Variants in COX7A1 observed in about 807,000 individuals in gnomAD.
COX7A1 encodes the protein cytochrome c oxidase subunit 7A1, mitochondrial.
Under a neutral mutation model 13.2 loss-of-function variants are expected in COX7A1, and 21 were observed. That is an observed-to-expected ratio of 1.59 (90% CI 1.13 to 2.29). The LOEUF is 2.29. Ranked by LOEUF, COX7A1 falls within the 30% of genes most tolerant of loss-of-function variation. The pLI, the probability that COX7A1 is intolerant of heterozygous loss-of-function variation, is 0.00. For synonymous variants in COX7A1, 41 were observed against 41.9 expected, an observed-to-expected ratio of 0.98 and a Z score of 0.08; for missense variants, 107 against 100.0, an observed-to-expected ratio of 1.07 and a Z score of -0.30.
chr19:36,152,146 T>C, intron 1 of COX7A1: 1 of 575,876 alleles, frequency 1.7e-6, no homozygotes, highest in Non-Finnish European at 3.1e-6. Context: ...AAGGCCCGGG[T>C]GAGGCCAGTG....
In COX7A1 at chr19:36,151,180, A is replaced by G; in HGVS notation, c.188-146T>C. ...AGCTCCCTTCCCAGATTGGACTCCT[A>G]TTGTAAAGCCCCCTGGCTTTGATCT... is the stretch of plus-strand genomic sequence containing the variant. On this transcript the variant is annotated intron_variant, in intron 3 of 3. Coordinates refer to ENST00000292907, the MANE Select transcript of COX7A1 (RefSeq NM_001864.4). The G allele has an allele frequency of 5.7e-6, 5 of 880,864 alleles. No individual in the cohort carries two copies. The South Asian group carries it at 8.4e-5, about 15-fold the overall frequency. 54.6% of individuals were successfully genotyped at this position (880,864 alleles called of 1,614,324 possible). A position where few individuals can be genotyped will look rare whatever the true frequency, so the allele number is the denominator to read the frequency against.
Position 36,151,496 on chromosome 19 carries a change from G to T in COX7A1, c.153C>A (p.Ile51=). 3 of 1,614,220 alleles carry T rather than the reference G, an allele frequency of 1.9e-6. No individual in the cohort carries two copies. The highest frequency in any genetic ancestry group is 2.5e-6 in the Non-Finnish European group (3 of 1,180,020). Residue 51 remains isoleucine (I), a synonymous_variant, in exon 3 of 4, where the codon ATC becomes ATA. Coordinates refer to ENST00000292907, the MANE Select transcript of COX7A1 (RefSeq NM_001864.4). The part of the protein sequence containing the change: ...LYLKGGIVDN[I]LYRVTMTLCL... ...ACAGCGTCATTGTCACTCGGTACAG[G>T]ATGTTGTCAACGATGCCGCCCTTCA...
chr19:36,151,446 C>G lies in COX7A1; in HGVS notation c.187+16G>C, dbSNP rs369936523. ...AGCCCCGCCTCCCCCGCAGCCCAGA[C>G]GGGCCCTGCGCTCACCGCCCAGACA... On this transcript the variant is annotated intron_variant, in intron 3 of 3. Transcript: ENST00000292907. 3.4e-5 allele frequency: 55 copies of G among 1,613,608 alleles called. No homozygotes were observed. The Middle Eastern group carries it at 8.2e-4, about 24-fold the overall frequency.
At chr19:36,152,291 G>T in intron 1 of COX7A1, 102 bp downstream of exon 1, 2 of 848,970 alleles carry the variant, frequency 2.4e-6, no homozygotes, top group Non-Finnish European at 3.3e-6. Context: ...CCTGAAGGTG[G>T]CTCACGTTCC....
rs371763146 is a variant in COX7A1 at position 36,151,653 on chromosome 19, C to G, written c.102+16G>C. On this transcript the variant is annotated intron_variant, in intron 2 of 3. Transcript: ENST00000292907. Reference sequence around the variant, plus strand: ...CCGGCTGGCGCGTCGGATCCCCACCCCCCCCGACCCCCCACCTGGAAGAGC... The same window carrying G: ...CCGGCTGGCGCGTCGGATCCCCACCGCCCCCGACCCCCCACCTGGAAGAGC... 644 of 1,413,636 alleles carry G rather than the reference C, an allele frequency of 4.6e-4. 10 individuals are homozygous for G. The highest frequency in any genetic ancestry group is 1.2e-3 in the Middle Eastern group (7 of 5,650). 87.6% of individuals were successfully genotyped at this position (1,413,636 alleles called of 1,614,324 possible). A position where few individuals can be genotyped will look rare whatever the true frequency, so the allele number is the denominator to read the frequency against.
At position 36,152,398 on chromosome 19, in the gene COX7A1, G is replaced by A; in HGVS notation, c.10C>T (p.Leu4Phe). Residue 4 changes from leucine (L) to phenylalanine (F), a missense_variant, in exon 1 of 4, where the codon CTT (leucine) becomes TTT (phenylalanine). Transcript: ENST00000292907. MQA[L>F]RVSQALIRSF... Reference sequence around the variant, plus strand: ...CCAGCCCATGGGGGCCTCACCCGAAGGGCCTGCATTCTGCCTTGTCCTCTT... The same window carrying A: ...CCAGCCCATGGGGGCCTCACCCGAAAGGCCTGCATTCTGCCTTGTCCTCTT... 1 of 1,368,434 alleles carries A rather than the reference G, an allele frequency of 7.3e-7. No individual in the cohort carries two copies. Among genetic ancestry groups the A allele is most frequent in the Non-Finnish European group, 9.5e-7 (1 of 1,049,786 alleles). 84.8% of individuals were successfully genotyped at this position (1,368,434 alleles called of 1,614,324 possible).
At position 36,151,666 on chromosome 19, in the gene COX7A1, C is replaced by CCCCCCCCGGCA; in HGVS notation, c.102+2_102+3insTGCCGGGGGGG. Reference sequence around the variant, plus strand: ...CGGATCCCCACCCCCCCCGACCCCCCACCTGGAAGAGCTTCTGTTTCTCGC... The same window carrying CCCCCCCCGGCA: ...CGGATCCCCACCCCCCCCGACCCCCCCCCCCCCGGCAACCTGGAAGAGCTTCTGTTTCTCGC... On this transcript the variant is annotated splice_region_variant and intron_variant, in intron 2 of 3. Coordinates refer to ENST00000292907, the MANE Select transcript of COX7A1 (RefSeq NM_001864.4). The CCCCCCCCGGCA allele has an allele frequency of 6.3e-7, 1 of 1,584,896 alleles. No individual in the cohort carries two copies. The highest frequency in any genetic ancestry group is 8.6e-7 in the Non-Finnish European group (1 of 1,162,710).
Sources: allele counts gnomAD v4.1 joint callset, GRCh38; gene constraint gnomAD v4.1.1; transcripts MANE v1.5; gene names NCBI Gene and HGNC (gene_info 2026-07-23, HGNC 2026-07-21).